The following AGT variants were observed in gnomAD, a reference collection of about 807,000 sequenced individuals.
AGT encodes angiotensinogen.
AGT carries 26 observed loss-of-function variants against 28.1 expected under a neutral mutation model. That is an observed-to-expected ratio of 0.92 (90% confidence interval 0.68 to 1.28). AGT has a LOEUF of 1.28. AGT is among the 50% of genes most tolerant of loss of function. The pLI is 0.00. For missense variants in AGT, 596 were observed against 592.3 expected (o/e 1.01, Z -0.06); for synonymous variants, 259 against 259.6 (o/e 1.00, Z 0.02).
chr1:230,730,341 TG>T (rs767554524), intron 1 of AGT, among the ~76,000 whole-genome samples: 4 of 152,128 alleles, frequency 2.6e-5, no homozygotes, highest in Non-Finnish European at 5.9e-5. Context: ...CCCAAACTGC[TG>T]GGATTTCAGG....
intron 1 of AGT, among the ~76,000 whole-genome samples, chr1:230,711,691 AC>A (rs1663595605): frequency 6.6e-6 from 1 of 151,680 alleles, no homozygotes; most frequent in Non-Finnish European, 1.5e-5. Context: ...ACGTGTCTCA[AC>A]CCCAAAACCA....
intron 1 of AGT, among the ~76,000 whole-genome samples, chr1:230,722,219 T>C (rs969209369): frequency 2.0e-5 from 3 of 152,238 alleles, no homozygotes; most frequent in African/African-American, 4.8e-5. Context: ...CCACATGGTG[T>C]TGGGCCTGTG....
chr1:230,704,413 G>A lies in AGT; in HGVS notation c.1098-76C>T, dbSNP rs1231559454. 1.5e-5 allele frequency: 23 copies of A among 1,559,748 alleles called. No individual in the cohort carries two copies. The East Asian group carries it at 1.6e-4, about 11-fold the overall frequency. ...TCTCCCAGAGGCCAGGCAGGCTTAT[G>A]CTCCTTGCACCCAACCCTGACGACA... On this transcript the variant is annotated intron_variant, in intron 3 of 4. Transcript: ENST00000366667.
chr1:230,736,923 GAAGCTCTGTGAATCGA>G (rs1174892129), intron 1 of AGT, among the ~76,000 whole-genome samples: 1 of 152,150 alleles, frequency 6.6e-6, no homozygotes, highest in Non-Finnish European at 1.5e-5. Flanking sequence ...CTGTGAATCG[GAAGCTCTGTGAATCGA>G]AAGCTCTGTT....
chr1:230,709,436 T>TA (rs34924695), intron 2 of AGT, among the ~76,000 whole-genome samples: 14,702 of 131,250 alleles, frequency 0.11, 909 homozygotes, highest in East Asian at 0.36. Flanking sequence ...CCTGTCTCAA[T>TA]AAAAAAAAAA....
At chr1:230,740,586 C>A (rs1190375355) in intron 1 of AGT, among the ~76,000 whole-genome samples, 1 of 152,174 alleles carries the variant, frequency 6.6e-6, no homozygotes, top group Non-Finnish European at 1.5e-5. Flanking sequence ...ACAACAAAAT[C>A]TAAATACAAG....
At chr1:230,738,334 C>A (rs1234935285) in intron 1 of AGT, among the ~76,000 whole-genome samples, 1 of 152,176 alleles carries the variant, frequency 6.6e-6, no homozygotes, top group African/African-American at 2.4e-5. Flanking sequence ...AAAAATTACC[C>A]ACGTTAAACA....
chr1:230,737,625 T>C (rs367672878), intron 1 of AGT, among the ~76,000 whole-genome samples: 1 of 152,170 alleles, frequency 6.6e-6, no homozygotes, highest in Non-Finnish European at 1.5e-5. Flanking sequence ...TTATTATTAT[T>C]ATCATTATTG....
chr1:230,703,878 C>T (rs1663301757), intron 4 of AGT, among the ~76,000 whole-genome samples: 1 of 152,174 alleles, frequency 6.6e-6, no homozygotes, highest in Admixed American at 6.5e-5. Flanking sequence ...TCCAGGGGTG[C>T]TTGCTGTCTT....
upstream of AGT, among the ~76,000 whole-genome samples, chr1:230,715,007 A>C (rs946318972): frequency 6.6e-6 from 1 of 152,090 alleles, no homozygotes; most frequent in African/African-American, 2.4e-5. Context: ...CCTTAAATAC[A>C]TGGTATTAGG....
At chr1:230,732,585 C>G (rs11122588) in intron 1 of AGT, among the ~76,000 whole-genome samples, 23,878 of 152,196 alleles carry the variant, frequency 0.16, 2,261 homozygotes, top group East Asian at 0.4. Flanking sequence ...TACTGATAAT[C>G]TAATGTTGAT....
At chr1:230,704,890 A>G (rs1403299616) in intron 3 of AGT, among the ~76,000 whole-genome samples, 5 of 152,198 alleles carry the variant, frequency 3.3e-5, no homozygotes, top group Non-Finnish European at 5.9e-5. Context: ...CAGTACACCC[A>G]TGTTTACAGG....
In AGT at chr1:230,710,464, A is replaced by C; in HGVS notation, c.360T>G (p.His120Gln). ...GMHSELWGVV[H>Q]GATVLSPTAV... The stretch of plus-strand genomic sequence containing the variant: ...CCGTTGGGGAGAGGACGGTGGCCCC[A>C]TGGACCACGCCCCATAGCTCACTGT... Residue 120 changes from histidine to glutamine, a missense_variant, in exon 2 of 5, where the codon CAT (histidine) becomes CAG (glutamine). By Grantham distance (24) the His-to-Gln change is conservative (BLOSUM62 0). Coordinates refer to ENST00000366667, the MANE Select transcript of AGT (RefSeq NM_001384479.1). 1.9e-6 allele frequency: 3 copies of C among 1,614,210 alleles called. No individual in the cohort carries two copies. The South Asian group carries it at 3.3e-5, about 18-fold the overall frequency.
upstream of AGT, among the ~76,000 whole-genome samples, chr1:230,715,624 C>T (rs1663718564): frequency 6.6e-6 from 1 of 152,212 alleles, no homozygotes; most frequent in South Asian, 2.1e-4. Flanking sequence ...CTAGGCCTGG[C>T]TGTGCCACTA....
chr1:230,729,043 T>G (rs1187708987), intron 1 of AGT, among the ~76,000 whole-genome samples: 1 of 152,228 alleles, frequency 6.6e-6, no homozygotes, highest in African/African-American at 2.4e-5. Flanking sequence ...CAGGTACCCA[T>G]GCAGTTAACT....
chr1:230,707,765 G>A (rs1663434649), intron 2 of AGT, among the ~76,000 whole-genome samples: 1 of 152,214 alleles, frequency 6.6e-6, no homozygotes, highest in African/African-American at 2.4e-5. Flanking sequence ...AAGACGCTGG[G>A]ATTTGACATG....
intron 1 of AGT, 74 bp from the exon 2 acceptor site, chr1:230,710,927 A>G: frequency 6.5e-7 from 1 of 1,534,930 alleles, no homozygotes; most frequent in Non-Finnish European, 8.9e-7. Context: ...CAGATCTTTC[A>G]TTGTCTCAAT....
chr1:230,715,426 C>A (rs531152110), upstream of AGT, among the ~76,000 whole-genome samples: 1 of 152,262 alleles, frequency 6.6e-6, no homozygotes, highest in East Asian at 1.9e-4. Context: ...AATTCAAACA[C>A]TTTTTGAGGC....
intron 2 of AGT, 147 bp from the exon 3 acceptor site, chr1:230,706,347 C>T: frequency 1.1e-6 from 1 of 893,074 alleles, no homozygotes; most frequent in Non-Finnish European, 1.7e-6. Context: ...CTGCATTCTC[C>T]TGGCCACAGG....
Sources: gnomAD v4.1 joint callset for allele counts (sites outside exome capture counted in the v4.1 genomes callset) on GRCh38, gnomAD v4.1.1 for gene constraint, MANE v1.5 for transcripts, NCBI Gene and HGNC (gene_info 2026-07-23, HGNC 2026-07-21) for gene names.